The following YEATS2 variants were observed in gnomAD, a reference collection of about 807,000 sequenced individuals.
YEATS2 encodes the protein YEATS domain containing 2.
YEATS2 carries 77 observed loss-of-function variants against 163.2 expected under a neutral mutation model. The ratio of observed to expected loss-of-function variants is 0.47; its 90% CI spans 0.39 to 0.57. The LOEUF is 0.57. Among genes scored for constraint, YEATS2 ranks in the 20% least tolerant of loss-of-function variants. The pLI, the probability that YEATS2 is intolerant of heterozygous loss-of-function variation, is 0.00. For synonymous variants in YEATS2, 631 were observed against 645.1 expected, an observed-to-expected ratio of 0.98 and a Z score of 0.33; for missense variants, 1,549 against 1,729.8, an observed-to-expected ratio of 0.90 and a Z score of 1.85.
chr3:183,773,537 G>T, intron 16 of YEATS2, 96 bp from the exon 17 acceptor site: 1 of 1,229,870 alleles, frequency 8.1e-7, no homozygotes, highest in Non-Finnish European at 1.1e-6. Flanking sequence ...GCTTGTTAGT[G>T]TTCTAAAATA....
intron 21 of YEATS2, among the ~76,000 whole-genome samples, chr3:183,795,550 C>T (rs1361243848): frequency 6.8e-6 from 1 of 147,302 alleles, no homozygotes; most frequent in Non-Finnish European, 1.5e-5. Context: ...GTCCTCCCTT[C>T]TTGGCCTCCC....
chr3:183,755,779 GT>G (rs1279705158), intron 11 of YEATS2, among the ~76,000 whole-genome samples: 7 of 68,294 alleles, frequency 1.0e-4, no homozygotes, highest in Admixed American at 2.2e-4. Flanking sequence ...TTGAGACAGA[GT>G]TTTGCTCTTG....
intron 15 of YEATS2, among the ~76,000 whole-genome samples, chr3:183,762,912 G>A (rs1171431652): frequency 6.6e-6 from 1 of 152,020 alleles, no homozygotes; most frequent in Non-Finnish European, 1.5e-5. Context: ...TTAGCGGGGT[G>A]TGGTGGCACA....
At chr3:183,747,751 A>G in intron 9 of YEATS2, 35 bp downstream of exon 9, 7 of 1,589,980 alleles carry the variant, frequency 4.4e-6, no homozygotes, top group Non-Finnish European at 6.0e-6. Context: ...TCTGGGAATG[A>G]GTAGGATGAA....
At chr3:183,747,821 C>T in intron 9 of YEATS2, 105 bp downstream of exon 9, 1 of 1,079,532 alleles carries the variant, frequency 9.3e-7, no homozygotes, top group South Asian at 1.3e-5. Flanking sequence ...GCTCTGTCAC[C>T]CAGGCTGGAG....
chr3:183,770,530 C>T (rs1722354359), intron 15 of YEATS2, among the ~76,000 whole-genome samples: 1 of 152,214 alleles, frequency 6.6e-6, no homozygotes, highest in East Asian at 1.9e-4. Flanking sequence ...ATCAATACCC[C>T]CATATCCTCC....
rs140072256 is a variant in YEATS2, at chr3:183,761,382, C to T, written c.1657-125C>T. ...GAGTACAGGCGTGAGCTACCGCACC[C>T]AGCCAGTCTTTTTATTTCTTTATAT... is the stretch of plus-strand genomic sequence containing the variant. On this transcript the variant is annotated intron_variant, in intron 13 of 30. Transcript: ENST00000305135. 25 of 947,256 alleles carry T rather than the reference C, an allele frequency of 2.6e-5. No individual in the cohort carries two copies. The African/African-American group carries it at 3.4e-4, about 13-fold the overall frequency. 58.7% of individuals were successfully genotyped at this position (947,256 alleles called of 1,614,324 possible).
intron 19 of YEATS2, among the ~76,000 whole-genome samples, chr3:183,784,020 C>T (rs977438854): frequency 1.3e-5 from 2 of 152,144 alleles, no homozygotes; most frequent in African/African-American, 4.8e-5. Context: ...GTTCTCCCAT[C>T]CCAACCTCCC....
At chr3:183,808,304 CAT>C (rs1726434145) in intron 29 of YEATS2, 200 bp downstream of exon 29, 7 of 565,042 alleles carry the variant, frequency 1.2e-5, no homozygotes, top group South Asian at 1.1e-4. Flanking sequence ...TCCTCTGAGT[CAT>C]GTGGTTTCAG....
At position 183,758,868 on chromosome 3, in the gene YEATS2, C is replaced by T. The variant is rs748267661; in HGVS notation, c.1559C>T (p.Pro520Leu). 3 of 1,586,258 alleles carry T rather than the reference C, an allele frequency of 1.9e-6. No individual in the cohort carries two copies. Among genetic ancestry groups the T allele is most frequent in the Non-Finnish European group, 1.7e-6 (2 of 1,168,688 alleles). ...IGATTPSTGS[P>L]TNKISTASQV... ...ATTGTGCCTTGCTTATCAGGAAGTC[C>T]TACAAACAAGATCTCCACGGCTTCT... is the stretch of plus-strand genomic sequence containing the variant. Residue 520 changes from proline (P) to leucine (L), a missense_variant, in exon 13 of 31, where the codon CCT becomes CTT. Transcript: ENST00000305135.
Position 183,705,963 on chromosome 3 carries a change from C to T in YEATS2, c.-20+7970C>T, listed in dbSNP as rs755692582. ...GCTGAGGCAGGAGAATGGCCTGACC[C>T]GGGAGGCGGAGCTTGTAGTGAGCCA... On this transcript the variant is annotated intron_variant, in intron 1 of 30. Coordinates refer to ENST00000305135, the MANE Select transcript of YEATS2 (RefSeq NM_018023.5). 7.9e-5 allele frequency among the ~76,000 whole-genome samples: 12 copies of T among 151,090 alleles called. No homozygotes were observed. In the South Asian group the frequency reaches 1.9e-3, roughly 24 times the overall value.
intron 6 of YEATS2, among the ~76,000 whole-genome samples, chr3:183,726,643 A>G (rs1019790976): frequency 2.0e-5 from 3 of 152,142 alleles, no homozygotes. Flanking sequence ...TTTCTCATGA[A>G]GTTTTATTTG....
intron 2 of YEATS2, among the ~76,000 whole-genome samples, chr3:183,716,097 C>T (rs1184012048): frequency 6.6e-6 from 1 of 151,910 alleles, no homozygotes; most frequent in Non-Finnish European, 1.5e-5. Context: ...GTAGCTGGGA[C>T]TACAGGCACC....
chr3:183,767,320 G>A (rs569055846), intron 15 of YEATS2, among the ~76,000 whole-genome samples: 2 of 152,134 alleles, frequency 1.3e-5, no homozygotes, highest in Non-Finnish European at 2.9e-5. Flanking sequence ...CTGTCTCCTG[G>A]GCTCAAGCTA....
chr3:183,802,487 ATGTG>A (rs10663581), intron 25 of YEATS2: 1,959 of 145,140 alleles, frequency 0.013, 10 homozygotes, highest in Non-Finnish European at 0.019. Flanking sequence ...TCTCTTATAT[ATGTG>A]TGTGTGTGTG....
chr3:183,727,972 A>G (rs921321667), intron 6 of YEATS2, among the ~76,000 whole-genome samples: 15 of 151,784 alleles, frequency 9.9e-5, no homozygotes, highest in Non-Finnish European at 2.1e-4. Context: ...TAAATAGCAC[A>G]CCGAATAAGG....
chr3:183,767,805 C>T (rs535631634), intron 15 of YEATS2, among the ~76,000 whole-genome samples: 71 of 152,226 alleles, frequency 4.7e-4, no homozygotes, highest in African/African-American at 1.5e-3. Context: ...GCATGAGCCA[C>T]CACGCCCGGC....
At chr3:183,778,125 A>G (rs536879130) in intron 19 of YEATS2, among the ~76,000 whole-genome samples, 20 of 148,614 alleles carry the variant, frequency 1.3e-4, no homozygotes, top group East Asian at 5.8e-4. Context: ...AAAAAAAAAA[A>G]AAAGAAAAAA....
chr3:183,754,136 T>C lies in YEATS2; in HGVS notation c.1161T>C (p.Ala387=). 1 of 1,573,912 alleles carries C rather than the reference T, an allele frequency of 6.4e-7. No individual in the cohort carries two copies. The highest frequency in any genetic ancestry group is 1.2e-5 in the South Asian group (1 of 86,866). The change falls in exon 11 of 31, where the codon GCT becomes GCC. Residue 387 remains alanine, a synonymous_variant. Transcript: ENST00000305135. ...TTTCATCTCAAGCAGGATTCCCAGC[T>C]AGCACTGAAGCTGAACGACACACTC... ...PDTSVEKGFP[A]STEAERHTPF... is the part of the protein sequence containing the mutation.
Sources: gnomAD v4.1 joint callset for allele counts (sites outside exome capture counted in the v4.1 genomes callset) on GRCh38, gnomAD v4.1.1 for gene constraint, MANE v1.5 for transcripts, NCBI Gene and HGNC (gene_info 2026-07-23, HGNC 2026-07-21) for gene names.